CDK14: variants seen among roughly 807,000 people sequenced by gnomAD.
The protein encoded by CDK14 is cyclin dependent kinase 14.
A neutral mutation model predicts 60.7 loss-of-function variants in CDK14; 34 were observed. The observed-to-expected ratio is 0.56, with a 90% CI of 0.43 to 0.75. CDK14 has a LOEUF of 0.75. Among genes scored for constraint, CDK14 ranks in the 30% least tolerant of loss-of-function variants. The pLI is 0.00. For synonymous variants in CDK14, 197 were observed against 203.7 expected (o/e 0.97, Z 0.28); for missense variants, 482 against 564.1 (o/e 0.85, Z 1.47).
chr7:91,111,679 C>T (rs990105418), intron 12 of CDK14, among the ~76,000 whole-genome samples: 2 of 152,134 alleles, frequency 1.3e-5, no homozygotes, highest in East Asian at 1.9e-4. Context: ...ATAATAAATA[C>T]GAGTGTTAAA....
Position 90,778,846 on chromosome 7 carries a change from A to ATTCCTT in CDK14, c.465-11727_465-11726insTTCCTT, listed in dbSNP as rs1554335028. On this transcript the variant is annotated intron_variant, in intron 4 of 14. Coordinates refer to ENST00000380050, the MANE Select transcript of CDK14 (RefSeq NM_001287135.2). ...TCCTGTGGAATGTAAAAATTGACCG[A>ATTCCTT]CCTTCCTTCCTTCCTTCCTTCCTTC... Among the ~76,000 whole-genome samples, 264 of 127,968 alleles carry ATTCCTT rather than the reference A, an allele frequency of 2.1e-3. 2 individuals carry two copies. The highest frequency in any genetic ancestry group is 7.3e-3 in the African/African-American group (238 of 32,536). The allele number at this position is 127,968 out of a possible 152,430, so 84.0% of individuals were successfully genotyped here.
At chr7:90,641,759 C>A (rs1800342517) in intron 2 of CDK14, among the ~76,000 whole-genome samples, 1 of 118,744 alleles carries the variant, frequency 8.4e-6, no homozygotes. Flanking sequence ...TGTAAATATA[C>A]TAAAAACCAT....
At chr7:91,010,847 C>CCTTCCTTCTTT (rs1562867371) in intron 10 of CDK14, among the ~76,000 whole-genome samples, 1 of 102,516 alleles carries the variant, frequency 9.8e-6, no homozygotes, top group African/African-American at 3.9e-5. Context: ...CTCCCTCCCT[C>CCTTCCTTCTTT]CCTCCCTCCC....
intron 2 of CDK14, among the ~76,000 whole-genome samples, chr7:90,618,088 T>G (rs1446910236): frequency 6.6e-6 from 1 of 152,240 alleles, no homozygotes; most frequent in Non-Finnish European, 1.5e-5. Context: ...CCTGAATATA[T>G]ACACTTGGAT....
chr7:91,123,259 T>A (rs937646006), intron 14 of CDK14, among the ~76,000 whole-genome samples: 6 of 152,218 alleles, frequency 3.9e-5, no homozygotes, highest in Non-Finnish European at 7.3e-5. Context: ...TTTCTTTCAG[T>A]ACTAGGAAGA....
intron 3 of CDK14, among the ~76,000 whole-genome samples, chr7:90,745,326 T>C (rs141785809): frequency 5.3e-5 from 8 of 152,322 alleles, no homozygotes; most frequent in Non-Finnish European, 1.0e-4. Context: ...GAGTATAGTA[T>C]TAATTATGCA....
intron 9 of CDK14, among the ~76,000 whole-genome samples, chr7:90,977,015 C>T (rs952774757): frequency 3.3e-5 from 5 of 152,198 alleles, no homozygotes; most frequent in Middle Eastern, 3.4e-3. Context: ...TTCATGAAAT[C>T]GTTTCCCAGA....
intron 5 of CDK14, among the ~76,000 whole-genome samples, chr7:90,806,981 G>T (rs1039322128): frequency 4.6e-5 from 7 of 152,216 alleles, no homozygotes; most frequent in African/African-American, 1.7e-4. Flanking sequence ...AGCTCAAACT[G>T]GGTGGAGCCC....
chr7:90,998,828 G>A (rs1420914594), intron 10 of CDK14, among the ~76,000 whole-genome samples: 1 of 152,180 alleles, frequency 6.6e-6, no homozygotes. Context: ...GGCGGAGCTT[G>A]CAGTGAGCGG....
At chr7:90,940,931 A>G (rs1376023469) in intron 8 of CDK14, among the ~76,000 whole-genome samples, 1 of 152,168 alleles carries the variant, frequency 6.6e-6, no homozygotes, top group African/African-American at 2.4e-5. Flanking sequence ...AAAATAACCA[A>G]TGGCTTCCAA....
intron 11 of CDK14, 57 bp from the exon 12 acceptor site, chr7:91,079,375 C>A: frequency 1.7e-6 from 2 of 1,190,290 alleles, no homozygotes; most frequent in Non-Finnish European, 2.4e-6. Context: ...TTTCAACATA[C>A]TTGTAATATA....
intron 2 of CDK14, among the ~76,000 whole-genome samples, chr7:90,696,646 G>A (rs1018768015): frequency 2.4e-4 from 36 of 152,246 alleles, no homozygotes; most frequent in African/African-American, 8.2e-4. Flanking sequence ...GGATATGTGA[G>A]TCTGAGGATG....
intron 12 of CDK14, among the ~76,000 whole-genome samples, chr7:91,108,482 G>A (rs1584071728): frequency 1.3e-5 from 2 of 152,272 alleles, no homozygotes; most frequent in East Asian, 1.9e-4. Flanking sequence ...AAAATACCCA[G>A]CATAATACTT....
chr7:91,146,505 G>C (rs748576667), intron 14 of CDK14, among the ~76,000 whole-genome samples: 4 of 152,124 alleles, frequency 2.6e-5, no homozygotes, highest in Non-Finnish European at 2.9e-5. Context: ...CCAGCGCTGA[G>C]GTTCTAATTG....
At chr7:90,889,138 TG>T (rs1792039290) in intron 6 of CDK14, among the ~76,000 whole-genome samples, 1 of 152,270 alleles carries the variant, frequency 6.6e-6, no homozygotes, top group African/African-American at 2.4e-5. Flanking sequence ...AAGTTTTATG[TG>T]GTATTTATAT....
intron 14 of CDK14, among the ~76,000 whole-genome samples, chr7:91,143,557 A>G (rs185132564): frequency 2.0e-4 from 30 of 152,194 alleles, no homozygotes; most frequent in Non-Finnish European, 4.4e-4. Flanking sequence ...CCCTGACTCT[A>G]CAAAAAATAA....
chr7:91,147,207 C>A (rs1016522950), intron 14 of CDK14, among the ~76,000 whole-genome samples: 4 of 143,856 alleles, frequency 2.8e-5, no homozygotes, highest in Non-Finnish European at 6.1e-5. Flanking sequence ...CACACACACA[C>A]TTCTTCCCAT....
intron 2 of CDK14, among the ~76,000 whole-genome samples, chr7:90,639,533 T>C (rs1307291575): frequency 6.6e-6 from 1 of 152,026 alleles, no homozygotes; most frequent in Non-Finnish European, 1.5e-5. Context: ...TGTCAGTCTG[T>C]ACCTACTGGG....
At chr7:90,849,349 A>G (rs1478015022) in intron 5 of CDK14, among the ~76,000 whole-genome samples, 2 of 152,036 alleles carry the variant, frequency 1.3e-5, no homozygotes, top group Non-Finnish European at 2.9e-5. Flanking sequence ...CCATGCTTAT[A>G]TAGCCTGTAG....
Sources: gnomAD v4.1 joint callset for allele counts (sites outside exome capture counted in the v4.1 genomes callset) on GRCh38, gnomAD v4.1.1 for gene constraint, MANE v1.5 for transcripts, NCBI Gene and HGNC (gene_info 2026-07-23, HGNC 2026-07-21) for gene names.